Variants in ENDOV observed in about 807,000 individuals in gnomAD.
The protein encoded by ENDOV is endonuclease V, also known as hEndoV.
In ENDOV, 37 loss-of-function variants were observed where a neutral mutation model predicts 39.4. That is an observed-to-expected ratio of 0.94 (90% CI 0.72 to 1.23). ENDOV has a LOEUF of 1.23. ENDOV is among the 50% of genes most tolerant of loss of function. ENDOV has a pLI of 0.00. For missense variants in ENDOV, 441 were observed against 375.7 expected (o/e 1.17, Z -1.44); for synonymous variants, 186 against 163.4 (o/e 1.14, Z -1.05).
chr17:80,428,724 C>T, intron 8 of ENDOV, 64 bp downstream of exon 8: 10 of 1,481,160 alleles, frequency 6.8e-6, no homozygotes, highest in Non-Finnish European at 9.2e-6. Flanking sequence ...TGGGCTGTTT[C>T]CGGTGGCTCA....
At chr17:80,423,912 C>A in intron 5 of ENDOV, 1 of 472,466 alleles carries the variant, frequency 2.1e-6, no homozygotes, top group Non-Finnish European at 3.7e-6. Context: ...AGGGCTAAGT[C>A]CTCCAGTTAC....
chr17:80,426,339 A>G (rs2082681124), intron 7 of ENDOV, among the ~76,000 whole-genome samples: 1 of 152,188 alleles, frequency 6.6e-6, no homozygotes, highest in Non-Finnish European at 1.5e-5. Context: ...CCTGGGCAGG[A>G]AGGAGTTTGA....
rs374828309 is a variant in ENDOV, at chr17:80,436,185, G to A, written c.*42G>A. 7.7e-5 allele frequency: 122 copies of A among 1,582,762 alleles called. No homozygotes were observed. The highest frequency in any genetic ancestry group is 2.3e-4 in the East Asian group (10 of 43,344). On this transcript the variant is annotated 3_prime_UTR_variant, in exon 10 of 10. Transcript: ENST00000518137. ...ACACGTCCTCGTCTCATTCCTGATC[G>A]AACGCGGTGGTGAGAGCACACGTCC...
intron 7 of ENDOV, chr17:80,428,337 C>T (rs1599437283): frequency 1.9e-6 from 1 of 516,908 alleles, no homozygotes; most frequent in Non-Finnish European, 3.5e-6. Flanking sequence ...CCTGTCCACT[C>T]ACCAGCTACT....
intron 9 of ENDOV, among the ~76,000 whole-genome samples, chr17:80,432,104 G>A (rs1439998584): frequency 2.0e-5 from 3 of 152,176 alleles, no homozygotes; most frequent in Non-Finnish European, 4.4e-5. Context: ...GGAGAGTCCA[G>A]GGCAGCACCT....
intron 3 of ENDOV, 84 bp from the exon 4 acceptor site, chr17:80,422,122 G>A (rs2082116620): frequency 6.3e-7 from 1 of 1,588,646 alleles, no homozygotes; most frequent in Non-Finnish European, 8.6e-7. Context: ...CAGAGACAGT[G>A]CCCCCTTCTT....
chr17:80,424,045 CG>C, intron 5 of ENDOV: 1 of 382,388 alleles, frequency 2.6e-6, no homozygotes, highest in Non-Finnish European at 4.6e-6. Flanking sequence ...GCCCCCCTCC[CG>C]CCAAGACCTG....
rs1401969627 is a variant in ENDOV, at chr17:80,421,912, C to T, written c.313C>T (p.Leu105=). Residue 105 remains leucine, a synonymous_variant, in exon 3 of 10, where the codon CTG becomes TTG. Transcript: ENST00000518137. The stretch of plus-strand genomic sequence containing the variant: ...GGCCTTCCGAGAGGTGCCCTTCTTG[C>T]TGGAGCTGGTGCAGCAGCTGCGGGA... The part of the protein sequence containing the change: ...FLAFREVPFL[L]ELVQQLREKE... 6.2e-7 allele frequency: 1 copy of T among 1,611,318 alleles called. No individual in the cohort carries two copies. The highest frequency in any genetic ancestry group is 1.3e-5 in the African/African-American group (1 of 74,976).
chr17:80,430,425 A>G (rs1179164973), intron 9 of ENDOV: 1 of 1,425,158 alleles, frequency 7.0e-7, no homozygotes, highest in African/African-American at 1.4e-5. Context: ...CCTGAGGTTT[A>G]CTTGCAAAAT....
At chr17:80,436,034 C>A in intron 9 of ENDOV, 99 bp from the exon 10 acceptor site, 3 of 1,343,934 alleles carry the variant, frequency 2.2e-6, no homozygotes, top group Non-Finnish European at 3.1e-6. Context: ...AGATTACAGG[C>A]GCGAGCCACT....
chr17:80,429,962 C>T, intron 9 of ENDOV, 131 bp downstream of exon 9: 1 of 1,558,668 alleles, frequency 6.4e-7, no homozygotes, highest in Non-Finnish European at 8.7e-7. Flanking sequence ...AGGCCACCGG[C>T]CACCCCGTTC....
At chr17:80,416,056 G>T (rs1288915730) in intron 2 of ENDOV, 2 of 426,404 alleles carry the variant, frequency 4.7e-6, no homozygotes, top group Non-Finnish European at 8.4e-6. Flanking sequence ...TGACCAACAT[G>T]GAGAAACCCG....
At chr17:80,419,514 G>A (rs1004451282) in intron 2 of ENDOV, 12 of 689,918 alleles carry the variant, frequency 1.7e-5, no homozygotes, top group Non-Finnish European at 2.4e-5. Flanking sequence ...TGTGCTGGAC[G>A]CTGAGCAATG....
At chr17:80,431,946 G>A (rs947590380) in intron 9 of ENDOV, among the ~76,000 whole-genome samples, 11 of 152,168 alleles carry the variant, frequency 7.2e-5, no homozygotes. Context: ...CGGTGAGGCC[G>A]GCTTTGAGGT....
chr17:80,425,760 C>T, intron 7 of ENDOV, 140 bp downstream of exon 7: 1 of 1,338,060 alleles, frequency 7.5e-7, no homozygotes, highest in Non-Finnish European at 1.0e-6. Context: ...GGACAGGTCA[C>T]AGACATCTTG....
At chr17:80,431,656 C>A (rs558875326) in intron 9 of ENDOV, among the ~76,000 whole-genome samples, 23 of 152,208 alleles carry the variant, frequency 1.5e-4, no homozygotes, top group Admixed American at 5.2e-4. Context: ...TGGCCCCGGA[C>A]TGGCCTCACT....
chr17:80,430,199 A>G lies in ENDOV; in HGVS notation c.838+368A>G, dbSNP rs2083238884. ...ACGGTGCCTCAGAGGACAGATCTCT[A>G]TGGGGGCAAGTGCCAGATCCTGAGA... On this transcript the variant is annotated intron_variant, in intron 9 of 9. Coordinates refer to ENST00000518137, the MANE Select transcript of ENDOV (RefSeq NM_173627.5). The G allele has an allele frequency of 7.5e-6, 11 of 1,474,552 alleles. No individual in the cohort carries two copies. The South Asian group carries it at 1.4e-4, about 18-fold the overall frequency. 91.3% of individuals were successfully genotyped at this position (1,474,552 alleles called of 1,614,324 possible). A position where few individuals can be genotyped will look rare whatever the true frequency, so the allele number is the denominator to read the frequency against.
intron 9 of ENDOV, among the ~76,000 whole-genome samples, chr17:80,433,977 A>G (rs1457238259): frequency 1.3e-5 from 2 of 152,222 alleles, no homozygotes; most frequent in Non-Finnish European, 2.9e-5. Context: ...TATATTCACA[A>G]TCATGTGCAA....
At chr17:80,419,464 G>C (rs2081667435) in intron 2 of ENDOV, 2 of 645,586 alleles carry the variant, frequency 3.1e-6, no homozygotes, top group Non-Finnish European at 5.7e-6. Context: ...CTGAGCGATG[G>C]CTGGTGTGTG....
Sources: gnomAD v4.1 joint callset for allele counts (sites outside exome capture counted in the v4.1 genomes callset) on GRCh38, gnomAD v4.1.1 for gene constraint, MANE v1.5 for transcripts, NCBI Gene and HGNC (gene_info 2026-07-23, HGNC 2026-07-21) for gene names.